The following RARB variants were observed in gnomAD, a reference collection of about 807,000 sequenced individuals.
The protein encoded by RARB is HBV-activated protein.
RARB carries 17 observed loss-of-function variants against 51.9 expected under a neutral mutation model. The ratio of observed to expected loss-of-function variants is 0.33; its 90% CI spans 0.22 to 0.49. The LOEUF (loss-of-function observed/expected upper bound fraction) is 0.49. Ranked by LOEUF, RARB falls within the 20% of genes least tolerant of loss-of-function variation. The pLI, the probability that RARB is intolerant of heterozygous loss-of-function variation, is 0.99. For synonymous variants in RARB, 215 were observed against 195.4 expected (o/e 1.10, Z -0.84); for missense variants, 369 against 550.8 (o/e 0.67, Z 3.30).
rs190472623 is a variant in RARB at position 25,332,337 on chromosome 3, T to G, written c.179-128856T>G. Among the ~76,000 whole-genome samples, 679 of 152,262 alleles carry G rather than the reference T, an allele frequency of 4.5e-3. 5 individuals carry two copies. Among genetic ancestry groups the G allele is most frequent in the African/African-American group, 9.5e-3 (393 of 41,568 alleles). ...AAAAGGTTATCCACCACGATCAAGT[T>G]GGCTTCATCCCTGGGATGCAAGGCT... On this transcript the variant is annotated intron_variant, in intron 5 of 11. Coordinates refer to the RARB transcript ENST00000383772.
At chr3:25,332,690 A>G (rs1704938857) in intron 5 of RARB, among the ~76,000 whole-genome samples, 1 of 152,216 alleles carries the variant, frequency 6.6e-6, no homozygotes, top group Non-Finnish European at 1.5e-5. Context: ...ATCAGGCAGG[A>G]GAAAGAAATA....
In RARB at chr3:25,597,219, T is replaced by C. The variant is rs1053382285; in HGVS notation, c.*603T>C. 1 of 152,668 alleles carries C rather than the reference T, an allele frequency of 6.6e-6. No individual in the cohort carries two copies. Among genetic ancestry groups the C allele is most frequent in the African/African-American group, 2.4e-5 (1 of 41,462 alleles). 9.5% of individuals were successfully genotyped at this position (152,668 alleles called of 1,614,324 possible). A position where few individuals can be genotyped will look rare whatever the true frequency, so the allele number is the denominator to read the frequency against. ...AGTATGGAAGCTTGTCTTTGCTCTT[T>C]CTGATGCTCTCAAACTGCATCTTTT... On this transcript the variant is annotated 3_prime_UTR_variant, in exon 8 of 8. Coordinates refer to ENST00000330688, the MANE Select transcript of RARB (RefSeq NM_000965.5).
intron 5 of RARB, among the ~76,000 whole-genome samples, chr3:25,313,678 G>A (rs1213205247): frequency 6.6e-6 from 1 of 152,152 alleles, no homozygotes; most frequent in African/African-American, 2.4e-5. Context: ...CAGGTTTGGA[G>A]GATCTAAGGT....
chr3:25,439,524 G>A (rs1351211666), intron 1 of RARB, among the ~76,000 whole-genome samples: 4 of 152,098 alleles, frequency 2.6e-5, no homozygotes, highest in Non-Finnish European at 5.9e-5. Context: ...TCCCGCCTCA[G>A]CCTCCCATGT....
chr3:25,456,706 G>C (rs1176001307), intron 1 of RARB, among the ~76,000 whole-genome samples: 2 of 148,152 alleles, frequency 1.3e-5, no homozygotes, highest in Non-Finnish European at 3.0e-5. Context: ...GAGAGAGAGA[G>C]AGAGAGAGAG....
At chr3:25,201,205 G>A (rs1017929233) in intron 5 of RARB, among the ~76,000 whole-genome samples, 7 of 152,148 alleles carry the variant, frequency 4.6e-5, no homozygotes, top group African/African-American at 1.7e-4. Flanking sequence ...GTGAATGGGA[G>A]TTCACTCGTG....
intron 5 of RARB, among the ~76,000 whole-genome samples, chr3:25,329,995 C>T (rs1311661426): frequency 6.6e-6 from 1 of 152,080 alleles, no homozygotes; most frequent in Non-Finnish European, 1.5e-5. Flanking sequence ...AACAAATCCT[C>T]CAAGAAATAT....
chr3:25,507,471 C>T (rs1997353), intron 3 of RARB, among the ~76,000 whole-genome samples: 63,815 of 152,046 alleles, frequency 0.42, 16,580 homozygotes, highest in South Asian at 0.64. Context: ...ACAGCCCAGG[C>T]GTGACATGAG....
At chr3:25,106,466 T>TTTA in intron 3 of RARB, among the ~76,000 whole-genome samples, 1 of 123,952 alleles carries the variant, frequency 8.1e-6, no homozygotes, top group Non-Finnish European at 1.6e-5. Flanking sequence ...TTGTTTTTTT[T>TTTA]TGTTTTGTTT....
At chr3:25,075,103 C>T (rs1438236973) in intron 3 of RARB, among the ~76,000 whole-genome samples, 1 of 152,160 alleles carries the variant, frequency 6.6e-6, no homozygotes, top group African/African-American at 2.4e-5. Flanking sequence ...GCTTAGCCAT[C>T]AGGCACAGAG....
chr3:25,199,388 C>T (rs180987212), intron 5 of RARB, among the ~76,000 whole-genome samples: 68 of 152,086 alleles, frequency 4.5e-4, no homozygotes, highest in African/African-American at 1.5e-3. Flanking sequence ...TAATATTTGA[C>T]AGCAAAACAG....
chr3:25,340,406 A>T (rs1705193691), intron 5 of RARB, among the ~76,000 whole-genome samples: 1 of 152,130 alleles, frequency 6.6e-6, no homozygotes, highest in Non-Finnish European at 1.5e-5. Flanking sequence ...TTTTCTTTAA[A>T]ATTTTGAGTC....
intron 1 of RARB, among the ~76,000 whole-genome samples, chr3:24,853,237 A>G (rs941273902): frequency 8.6e-5 from 13 of 152,036 alleles, no homozygotes; most frequent in African/African-American, 2.9e-4. Flanking sequence ...GAATGGTGTG[A>G]ACCCGGGAGG....
chr3:25,086,124 A>G (rs1220725854), intron 3 of RARB, among the ~76,000 whole-genome samples: 4 of 152,156 alleles, frequency 2.6e-5, no homozygotes, highest in South Asian at 2.1e-4. Flanking sequence ...TCAGTCAACT[A>G]TTAATTTCCT....
At chr3:25,349,063 A>G (rs2125456008) in intron 5 of RARB, among the ~76,000 whole-genome samples, 1 of 152,220 alleles carries the variant, frequency 6.6e-6, no homozygotes. Flanking sequence ...TCCAGTTTAT[A>G]TTACCCATTC....
At chr3:24,933,217 A>G (rs1026807935) in intron 2 of RARB, among the ~76,000 whole-genome samples, 1 of 152,142 alleles carries the variant, frequency 6.6e-6, no homozygotes, top group Non-Finnish European at 1.5e-5. Context: ...GCATCATTTT[A>G]GTCTCTGAAA....
chr3:25,260,339 A>G (rs1702967943), intron 5 of RARB, among the ~76,000 whole-genome samples: 1 of 152,156 alleles, frequency 6.6e-6, no homozygotes, highest in Non-Finnish European at 1.5e-5. Context: ...TTAAGCCAAT[A>G]AAGAATTCCT....
intron 2 of RARB, among the ~76,000 whole-genome samples, chr3:24,909,699 T>C (rs1694947667): frequency 6.6e-6 from 1 of 152,152 alleles, no homozygotes; most frequent in East Asian, 1.9e-4. Context: ...GGATTCATCC[T>C]GTCTTTTAAC....
intron 2 of RARB, among the ~76,000 whole-genome samples, chr3:24,871,229 C>G (rs1403075291): frequency 6.6e-6 from 1 of 152,120 alleles, no homozygotes; most frequent in Non-Finnish European, 1.5e-5. Context: ...AAATTCACTT[C>G]TATTCCTAAT....
Sources: allele counts gnomAD v4.1 joint callset (sites outside exome capture counted in the v4.1 genomes callset), GRCh38; gene constraint gnomAD v4.1.1; transcripts MANE v1.5; gene names NCBI Gene and HGNC (gene_info 2026-07-23, HGNC 2026-07-21).